MYH1: variants seen among roughly 807,000 people sequenced by gnomAD.
MYH1 encodes the protein myosin-1.
Under a neutral mutation model 225.6 loss-of-function variants are expected in MYH1, and 214 were observed. That is an observed-to-expected ratio of 0.95 (90% CI 0.85 to 1.06). MYH1 has a LOEUF of 1.06. Ranked by LOEUF, MYH1 falls within the 50% of genes least tolerant of loss-of-function variation. The pLI is 0.00. For missense variants in MYH1, 2,098 were observed against 2,344.2 expected, an observed-to-expected ratio of 0.89 and a Z score of 2.17; for synonymous variants, 774 against 842.3, an observed-to-expected ratio of 0.92 and a Z score of 1.40.
Position 10,514,087 on chromosome 17 carries a change from G to C in MYH1, c.571C>G (p.Arg191Gly), listed in dbSNP as rs144345763. ...SGAGKTVNTK[R>G]VIQYFATIAV... is the part of the protein sequence containing the mutation. ...ATTGTTGCAAAGTACTGGATGACACGCTTGGTGTTCACAGTCTTCCCTGCG... is the reference window on the plus strand; with the variant it reads ...ATTGTTGCAAAGTACTGGATGACACCCTTGGTGTTCACAGTCTTCCCTGCG... Residue 191 changes from arginine to glycine, a missense_variant, in exon 7 of 40, where the codon CGT becomes GGT. Coordinates refer to ENST00000226207, the MANE Select transcript of MYH1 (RefSeq NM_005963.4). The C allele has an allele frequency of 1.2e-6, 2 of 1,613,976 alleles. No individual in the cohort carries two copies. The highest frequency in any genetic ancestry group is 1.7e-6 in the Non-Finnish European group (2 of 1,179,984).
intron 24 of MYH1, 87 bp from the exon 25 acceptor site, chr17:10,501,998 G>A (rs1597437766): frequency 7.6e-7 from 1 of 1,308,864 alleles, no homozygotes; most frequent in Non-Finnish European, 1.0e-6. Context: ...TATCTATGCA[G>A]CAAACTATTT....
chr17:10,505,801 A>G lies in MYH1; in HGVS notation c.2174+11T>C, dbSNP rs758217127. 6.2e-7 allele frequency: 1 copy of G among 1,613,644 alleles called. No homozygotes were observed. The highest frequency in any genetic ancestry group is 8.5e-7 in the Non-Finnish European group (1 of 1,179,806). On this transcript the variant is annotated intron_variant, in intron 19 of 39. Transcript: ENST00000226207. Reference sequence around the variant, plus strand: ...AACCTCTTAAAATAATTTACAGCAAAAATGTCTGACCTCTGTTTGAAGTCT... The same window carrying G: ...AACCTCTTAAAATAATTTACAGCAAGAATGTCTGACCTCTGTTTGAAGTCT...
At chr17:10,493,316 C>A (rs1381209571) in intron 39 of MYH1, among the ~76,000 whole-genome samples, 1 of 152,146 alleles carries the variant, frequency 6.6e-6, no homozygotes, top group Non-Finnish European at 1.5e-5. Context: ...TCCGTGCACA[C>A]AAGTGTGTTT....
intron 14 of MYH1, among the ~76,000 whole-genome samples, chr17:10,510,918 T>C (rs1233747714): frequency 6.6e-6 from 1 of 151,844 alleles, no homozygotes; most frequent in African/African-American, 2.4e-5. Context: ...TTGTATGATA[T>C]GTTAATTATA....
chr17:10,506,586 G>A (rs994598105), intron 17 of MYH1, among the ~76,000 whole-genome samples: 3 of 151,500 alleles, frequency 2.0e-5, no homozygotes, highest in Non-Finnish European at 4.4e-5. Flanking sequence ...TCTGCCTCCC[G>A]GGTTCAAACA....
Position 10,516,624 on chromosome 17 carries a change from T to G in MYH1, c.19A>C (p.Met7Leu), listed in dbSNP as rs769435909. Residue 7 changes from methionine to leucine, a missense_variant, in exon 3 of 40, where the codon ATG becomes CTG. Transcript: ENST00000226207. Reference protein sequence around the residue: MSSDSEMAIFGEAAPFL... With the variant: MSSDSELAIFGEAAPFL... ...GGAGCAGCCTCCCCAAAAATGGCCA[T>G]CTCAGAGTCGGAACTCATGGCTGCA... The G allele has an allele frequency of 2.8e-5, 45 of 1,614,166 alleles. No homozygotes were observed. Among genetic ancestry groups the G allele is most frequent in the South Asian group, 2.3e-4 (21 of 91,082 alleles).
intron 16 of MYH1, 49 bp from the exon 17 acceptor site, chr17:10,508,005 G>GTTTT (rs377516000): frequency 6.4e-6 from 7 of 1,100,830 alleles, no homozygotes; most frequent in African/African-American, 1.7e-5. Context: ...TCTGGTTATG[G>GTTTT]TTTTTTTTTT....
intron 14 of MYH1, among the ~76,000 whole-genome samples, chr17:10,510,264 T>C (rs1394347345): frequency 6.6e-6 from 1 of 152,240 alleles, no homozygotes; most frequent in South Asian, 2.1e-4. Context: ...TGAGCCATTA[T>C]GGTCTGTATG....
chr17:10,511,911 C>T lies in MYH1; in HGVS notation c.1344G>A (p.Gln448=), dbSNP rs200624587. Residue 448 remains glutamine (Q), a synonymous_variant, in exon 14 of 40, where the codon CAG becomes CAA. Coordinates refer to ENST00000226207, the MANE Select transcript of MYH1 (RefSeq NM_005963.4). ...GCCTGGGCTGCTTGGTGTCCAGCTG[C>T]TGGTTGATGCGGGTGACCATCCACA... ...MFLWMVTRIN[Q]QLDTKQPRQY... is the part of the protein sequence containing the mutation. The T allele has an allele frequency of 2.5e-6, 4 of 1,614,212 alleles. No individual in the cohort carries two copies. The highest frequency in any genetic ancestry group is 3.4e-6 in the Non-Finnish European group (4 of 1,180,034).
intron 11 of MYH1, 48 bp from the exon 12 acceptor site, chr17:10,512,594 T>C: frequency 6.2e-7 from 1 of 1,613,250 alleles, no homozygotes; most frequent in Non-Finnish European, 8.5e-7. Context: ...AGAGAATTTA[T>C]ACTGTATCTT....
In MYH1 at chr17:10,497,347, C is replaced by T. The variant is rs373084196; in HGVS notation, c.4471G>A (p.Ala1491Thr). 124 of 1,613,126 alleles carry T rather than the reference C, an allele frequency of 7.7e-5. 1 individual carries two copies. In the Middle Eastern group the frequency reaches 1.3e-3, roughly 17 times the overall value. ...AGTTGGTCTAAAGATTCCTCATAAGCATTCTTAATCTTAAATAGTTCTGTG... is the reference window on the plus strand; with the variant it reads ...AGTTGGTCTAAAGATTCCTCATAAGTATTCTTAATCTTAAATAGTTCTGTG... The part of the protein sequence containing the change: ...LSTELFKIKN[A>T]YEESLDQLET... The change falls in exon 32 of 40, where the codon GCT becomes ACT. Residue 1491 changes from alanine to threonine, a missense_variant. Physicochemically the swap from Ala to Thr is moderately conservative, Grantham distance 58. Transcript: ENST00000226207.
chr17:10,495,549 CAGG>C (rs1293698824), intron 35 of MYH1, among the ~76,000 whole-genome samples: 3 of 151,730 alleles, frequency 2.0e-5, no homozygotes, highest in Admixed American at 2.0e-4. Flanking sequence ...ATTACGAGAT[CAGG>C]AGATCAAGAC....
rs1289825688 is a variant in MYH1, at chr17:10,505,062, C to T, written c.2439G>A (p.Glu813=). 2 of 1,614,008 alleles carry T rather than the reference C, an allele frequency of 1.2e-6. No homozygotes were observed. Among genetic ancestry groups the T allele is most frequent in the East Asian group, 2.2e-5 (1 of 44,902 alleles). Reference sequence around the variant, plus strand: ...CATTGTACTGGATGCAGAAGATGGACTCTCTGTCATAGGAACAGAAATGTC... The same window carrying T: ...CATTGTACTGGATGCAGAAGATGGATTCTCTGTCATAGGAACAGAAATGTC... ...VEYQKMVERR[E]SIFCIQYNVR... The change falls in exon 22 of 40, where the codon GAG becomes GAA. Residue 813 remains glutamate, a synonymous_variant. Transcript: ENST00000226207.
At position 10,497,272 on chromosome 17, in the gene MYH1, G is replaced by A; in HGVS notation, c.4531+15C>T. The A allele has an allele frequency of 6.3e-7, 1 of 1,594,274 alleles. No individual in the cohort carries two copies. Among genetic ancestry groups the A allele is most frequent in the East Asian group, 2.2e-5 (1 of 44,784 alleles). ...CAAATCTTTTATTGTTAAAGAAAAG[G>A]TAAAATGTTCTCACGTTGCAAATTC... is the stretch of plus-strand genomic sequence containing the variant. On this transcript the variant is annotated intron_variant, in intron 32 of 39. Transcript: ENST00000226207.
chr17:10,514,752 G>C, intron 6 of MYH1, 116 bp downstream of exon 6: 3 of 891,352 alleles, frequency 3.4e-6, no homozygotes, highest in Non-Finnish European at 5.6e-6. Flanking sequence ...CCAATATCTA[G>C]TTCCAGGTTG....
In MYH1 at chr17:10,512,528, C is replaced by T. The variant is rs1368087359; in HGVS notation, c.1027G>A (p.Gly343Ser). 2 of 1,614,012 alleles carry T rather than the reference C, an allele frequency of 1.2e-6. No individual in the cohort carries two copies. Among genetic ancestry groups the T allele is most frequent in the Admixed American group, 3.3e-5 (2 of 60,010 alleles). ...MATDSAIEIL[G>S]FTSDERVSIY... Reference sequence around the variant, plus strand: ...GACACTCTTTCATCTGAAGTAAAGCCCAGAATTTCAATGGCACTCTACCAT... The same window carrying T: ...GACACTCTTTCATCTGAAGTAAAGCTCAGAATTTCAATGGCACTCTACCAT... The change falls in exon 12 of 40, where the codon GGC becomes AGC. Residue 343 changes from glycine to serine, a missense_variant. Gly to Ser is a moderately conservative substitution (Grantham distance 56). Transcript: ENST00000226207.
Position 10,499,006 on chromosome 17 carries a change from C to A in MYH1, c.3952G>T (p.Glu1318Ter). The change falls in exon 29 of 40, where the codon GAA becomes TAA. Residue 1318 changes from glutamate to a stop codon, truncating the protein, a stop_gained. Coordinates refer to ENST00000226207, the MANE Select transcript of MYH1 (RefSeq NM_005963.4). LOFTEE classifies it high-confidence loss of function. ...TCCTCTTCAAGTTGCCTTTTCAGTT[C>A]CTCAATCTGTTGTGTAAAGGCTTGT... is the stretch of plus-strand genomic sequence containing the variant. ...GKQAFTQQIEELKRQLEEEIK... is the reference protein window; with the variant it reads ...GKQAFTQQIE The A allele has an allele frequency of 6.2e-7, 1 of 1,613,912 alleles. No individual in the cohort carries two copies.
At position 10,513,871 on chromosome 17, in the gene MYH1, C is replaced by A; in HGVS notation, c.691G>T (p.Glu231Ter). 6.2e-7 allele frequency: 1 copy of A among 1,614,112 alleles called. No individual in the cohort carries two copies. Among genetic ancestry groups the A allele is most frequent in the Non-Finnish European group, 8.5e-7 (1 of 1,179,986 alleles). Residue 231 changes from glutamate (E) to a stop codon, truncating the protein, a stop_gained, in exon 8 of 40, where the codon GAG (glutamate) becomes TAG (stop). Coordinates refer to ENST00000226207, the MANE Select transcript of MYH1 (RefSeq NM_005963.4). LOFTEE classifies it high-confidence loss of function. ...ACGGTCTTGGCGTTGCCAAAGGCCT[C>A]CAGTAGGGGGTTGGCACTGATGATT... The part of the protein sequence containing the change: ...DQIISANPLL[E>*]AFGNAKTVRN...
At position 10,501,460 on chromosome 17, in the gene MYH1, G is replaced by T; in HGVS notation, c.3388C>A (p.Arg1130=). ...TTCTCTGCTTTGGCCCGGGAGGCCC[G>T]CTCTGCCTCGATTTCCTCCTCCAGC... The part of the protein sequence containing the change: ...EELEEEIEAE[R]ASRAKAEKQR... Residue 1130 remains arginine (R), a synonymous_variant, in exon 27 of 40, where the codon CGG becomes AGG. Transcript: ENST00000226207. 1 of 1,614,220 alleles carries T rather than the reference G, an allele frequency of 6.2e-7. No individual in the cohort carries two copies. The highest frequency in any genetic ancestry group is 8.5e-7 in the Non-Finnish European group (1 of 1,180,044).
Sources: gnomAD v4.1 joint callset for allele counts (sites outside exome capture counted in the v4.1 genomes callset) on GRCh38, gnomAD v4.1.1 for gene constraint, MANE v1.5 for transcripts, NCBI Gene and HGNC (gene_info 2026-07-23, HGNC 2026-07-21) for gene names.